The following LYPLAL1 variants were observed in gnomAD, a reference collection of about 807,000 sequenced individuals.
LYPLAL1 encodes lysophospholipase like 1, also known as lysophospholipase-like protein 1.
LYPLAL1 carries 23 observed loss-of-function variants against 19.7 expected under a neutral mutation model. The observed-to-expected ratio is 1.17, with a 90% confidence interval of 0.84 to 1.65. The LOEUF (loss-of-function observed/expected upper bound fraction) is 1.65, where lower values mean the gene tolerates loss of function less well. LYPLAL1 is among the 40% of genes most tolerant of loss of function. The pLI, the probability that LYPLAL1 is intolerant of heterozygous loss-of-function variation, is 0.00. For synonymous variants in LYPLAL1, 119 were observed against 96.3 expected, an observed-to-expected ratio of 1.24 and a Z score of -1.38; for missense variants, 355 against 279.4, an observed-to-expected ratio of 1.27 and a Z score of -1.93.
chr1:219,255,974 T>C, the LYPLAL1 span, among the ~76,000 whole-genome samples: 1 of 152,058 alleles, frequency 6.6e-6, no homozygotes, highest in Non-Finnish European at 1.5e-5. Context: ...TTAGCTTGGT[T>C]AATATTTATT....
chr1:219,427,545 C>T, the LYPLAL1 span, among the ~76,000 whole-genome samples: 7 of 152,288 alleles, frequency 4.6e-5, no homozygotes, highest in African/African-American at 1.4e-4. Context: ...TAGAAGTTGC[C>T]TGGCCTTTGC....
chr1:219,298,410 C>T, the LYPLAL1 span, among the ~76,000 whole-genome samples: 84 of 152,326 alleles, frequency 5.5e-4, no homozygotes, highest in Non-Finnish European at 1.1e-3. Context: ...CATATGAAAA[C>T]ACGACCACTA....
the LYPLAL1 span, among the ~76,000 whole-genome samples, chr1:219,241,861 G>A: frequency 6.6e-6 from 1 of 152,138 alleles, no homozygotes; most frequent in African/African-American, 2.4e-5. Context: ...CTGTCTTTCA[G>A]AGGGATGTTA....
chr1:219,370,363 C>A, the LYPLAL1 span, among the ~76,000 whole-genome samples: 303 of 152,304 alleles, frequency 2.0e-3, 3 homozygotes, highest in African/African-American at 7.0e-3. Flanking sequence ...ATTGAGGTGA[C>A]TCAGACCTTC....
the LYPLAL1 span, among the ~76,000 whole-genome samples, chr1:219,315,258 A>G: frequency 6.6e-6 from 1 of 152,242 alleles, no homozygotes; most frequent in African/African-American, 2.4e-5. Context: ...AAATTAATGT[A>G]ACATCATCAG....
the LYPLAL1 span, among the ~76,000 whole-genome samples, chr1:219,361,492 T>C: frequency 6.6e-6 from 1 of 152,158 alleles, no homozygotes; most frequent in Non-Finnish European, 1.5e-5. Context: ...AAGCTATTTC[T>C]CAGTGTGGAG....
the LYPLAL1 span, among the ~76,000 whole-genome samples, chr1:219,334,828 CTTG>C: frequency 2.0e-5 from 3 of 151,800 alleles, no homozygotes; most frequent in African/African-American, 7.3e-5. Context: ...CTTTTAAACT[CTTG>C]TTGTATTAAC....
chr1:219,176,119 G>A (rs1655790903), intron 1 of LYPLAL1, among the ~76,000 whole-genome samples: 1 of 152,108 alleles, frequency 6.6e-6, no homozygotes, highest in South Asian at 2.1e-4. Flanking sequence ...AAGAACATAT[G>A]GGAGTGTAAA....
At chr1:219,421,022 C>G in the LYPLAL1 span, among the ~76,000 whole-genome samples, 1 of 152,114 alleles carries the variant, frequency 6.6e-6, no homozygotes, top group Non-Finnish European at 1.5e-5. Flanking sequence ...AAATCTGAAC[C>G]AGTTGTGAAA....
the LYPLAL1 span, among the ~76,000 whole-genome samples, chr1:219,320,356 C>T: frequency 6.6e-6 from 1 of 152,056 alleles, no homozygotes; most frequent in African/African-American, 2.4e-5. Context: ...TAATTCTTGT[C>T]CCCACTGTGA....
the LYPLAL1 span, among the ~76,000 whole-genome samples, chr1:219,295,706 C>G: frequency 2.6e-5 from 4 of 152,128 alleles, no homozygotes; most frequent in Non-Finnish European, 2.9e-5. Flanking sequence ...ATTGTTCTGT[C>G]CCCTACTCCA....
chr1:219,230,942 C>T, the LYPLAL1 span, among the ~76,000 whole-genome samples: 11 of 152,158 alleles, frequency 7.2e-5, no homozygotes, highest in Non-Finnish European at 1.3e-4. Flanking sequence ...CACCCACCCA[C>T]GTGGGCATTG....
At chr1:219,415,197 G>T in the LYPLAL1 span, among the ~76,000 whole-genome samples, 2 of 152,158 alleles carry the variant, frequency 1.3e-5, no homozygotes, top group Non-Finnish European at 2.9e-5. Flanking sequence ...ACTTGTACCA[G>T]CAAAAGAGAA....
At chr1:219,259,192 G>A in the LYPLAL1 span, among the ~76,000 whole-genome samples, 3 of 151,914 alleles carry the variant, frequency 2.0e-5, no homozygotes, top group Non-Finnish European at 4.4e-5. Context: ...AACCACTATG[G>A]AAAACAATAT....
chr1:219,355,816 C>T, the LYPLAL1 span, among the ~76,000 whole-genome samples: 2 of 150,316 alleles, frequency 1.3e-5, no homozygotes, highest in Non-Finnish European at 3.0e-5. Flanking sequence ...CAGAAAGATA[C>T]CTGAAAAAAA....
chr1:219,344,618 G>T, the LYPLAL1 span, among the ~76,000 whole-genome samples: 3 of 151,868 alleles, frequency 2.0e-5, no homozygotes, highest in Non-Finnish European at 4.4e-5. Flanking sequence ...GAATATTACT[G>T]CCCCACCCTA....
chr1:219,348,446 G>A, the LYPLAL1 span, among the ~76,000 whole-genome samples: 1 of 152,316 alleles, frequency 6.6e-6, no homozygotes, highest in Non-Finnish European at 1.5e-5. Context: ...GTCATTCTGT[G>A]TATTCCTCAG....
the LYPLAL1 span, among the ~76,000 whole-genome samples, chr1:219,379,239 T>G: frequency 6.6e-6 from 1 of 152,184 alleles, no homozygotes; most frequent in Non-Finnish European, 1.5e-5. Context: ...CCAACTTGGT[T>G]GCTGAGTAGC....
At chr1:219,231,874 A>T in the LYPLAL1 span, among the ~76,000 whole-genome samples, 1 of 152,180 alleles carries the variant, frequency 6.6e-6, no homozygotes, top group Non-Finnish European at 1.5e-5. Flanking sequence ...CAATATGTAT[A>T]TGTAATTATT....
Sources: gnomAD v4.1 joint callset for allele counts (sites outside exome capture counted in the v4.1 genomes callset) on GRCh38, gnomAD v4.1.1 for gene constraint, MANE v1.5 for transcripts, NCBI Gene and HGNC (gene_info 2026-07-23, HGNC 2026-07-21) for gene names.